RNF17: variants seen among roughly 807,000 people sequenced by gnomAD.
The protein encoded by RNF17 is spermatogenesis associated 23.
In RNF17, 31 loss-of-function variants were observed where a neutral mutation model predicts 200.5. The observed-to-expected ratio is 0.15, with a 90% CI of 0.12 to 0.21. RNF17 has a LOEUF of 0.21. RNF17 is among the 10% of genes least tolerant of loss of function. RNF17 has a pLI of 1.00. For missense variants in RNF17, 1,628 were observed against 1,905.1 expected (o/e 0.85, Z 2.71); for synonymous variants, 606 against 637.8 (o/e 0.95, Z 0.75).
At chr13:24,858,149 C>T (rs1036138478) in intron 25 of RNF17, among the ~76,000 whole-genome samples, 2 of 152,070 alleles carry the variant, frequency 1.3e-5, no homozygotes, top group Admixed American at 1.3e-4. Flanking sequence ...GGTATGGTAG[C>T]TATGAATTTA....
intron 25 of RNF17, among the ~76,000 whole-genome samples, chr13:24,858,707 A>G (rs149048892): frequency 7.9e-5 from 12 of 151,888 alleles, no homozygotes; most frequent in Admixed American, 7.9e-4. Context: ...CCTGTGTCCT[A>G]TTTTACTTAG....
intron 15 of RNF17, among the ~76,000 whole-genome samples, chr13:24,807,444 CTTCTT>C (rs1638824801): frequency 6.6e-6 from 1 of 152,160 alleles, no homozygotes; most frequent in African/African-American, 2.4e-5. Flanking sequence ...GCATAAATGT[CTTCTT>C]TTGAGAAGTG....
chr13:24,829,906 A>ATGAATC (rs969806764), intron 16 of RNF17, among the ~76,000 whole-genome samples: 1 of 152,216 alleles, frequency 6.6e-6, no homozygotes, highest in Non-Finnish European at 1.5e-5. Flanking sequence ...TGTTATATGA[A>ATGAATC]TGAATCTTTG....
chr13:24,870,212 G>A (rs898647495), intron 31 of RNF17, among the ~76,000 whole-genome samples: 3 of 152,082 alleles, frequency 2.0e-5, no homozygotes, highest in African/African-American at 7.2e-5. Flanking sequence ...CTCCAAAAGT[G>A]CTGGGATTAC....
chr13:24,789,155 T>C (rs996714343), intron 7 of RNF17, among the ~76,000 whole-genome samples, 193 bp from the exon 8 acceptor site: 2 of 152,168 alleles, frequency 1.3e-5, no homozygotes, highest in African/African-American at 2.4e-5. Context: ...TTTCTTAGTG[T>C]CTATTGTTAC....
At position 24,850,393 on chromosome 13, in the gene RNF17, T is replaced by C; in HGVS notation, c.3154T>C (p.Leu1052=). The C allele has an allele frequency of 6.2e-7, 1 of 1,613,804 alleles. No homozygotes were observed. The highest frequency in any genetic ancestry group is 8.5e-7 in the Non-Finnish European group (1 of 1,179,864). The change falls in exon 23 of 36, where the codon TTG becomes CTG. Residue 1052 remains leucine, a synonymous_variant. Coordinates refer to ENST00000255324, the MANE Select transcript of RNF17 (RefSeq NM_031277.3). ...WTATACDCLS[L]YLTGAVATII... The stretch of plus-strand genomic sequence containing the variant: ...AGCAACAGCTTGTGACTGTCTTTCA[T>C]TGTACCTGACTGGAGCTGTAGCAAC...
chr13:24,850,590 T>G, intron 23 of RNF17, 147 bp downstream of exon 23: 1 of 548,030 alleles, frequency 1.8e-6, no homozygotes, highest in South Asian at 2.8e-5. Flanking sequence ...ATAAGAGGCA[T>G]ATATCTTTTC....
the RNF17 span, among the ~76,000 whole-genome samples, chr13:24,756,159 C>G: frequency 2.6e-5 from 4 of 152,044 alleles, no homozygotes; most frequent in African/African-American, 9.7e-5. Context: ...TTGGTAAAGT[C>G]ACATGTAAAT....
chr13:24,763,489 T>C (rs1468895696), upstream of RNF17, among the ~76,000 whole-genome samples: 1 of 151,648 alleles, frequency 6.6e-6, no homozygotes, highest in Non-Finnish European at 1.5e-5. Context: ...AGTGCTGGCA[T>C]TACAGGCGTG....
chr13:24,758,047 A>T, the RNF17 span, among the ~76,000 whole-genome samples: 2 of 152,142 alleles, frequency 1.3e-5, no homozygotes, highest in Admixed American at 1.3e-4. Context: ...GCTTCCCCTC[A>T]CTTTCCACCA....
chr13:24,843,776 T>C lies in RNF17; in HGVS notation c.2636T>C (p.Ile879Thr). The change falls in exon 20 of 36, where the codon ATT becomes ACT. Residue 879 changes from isoleucine to threonine, a missense_variant. Ile to Thr is a moderately conservative substitution (Grantham distance 89). Coordinates refer to ENST00000255324, the MANE Select transcript of RNF17 (RefSeq NM_031277.3). ...CTCAAAGATAATTCTCAAAAGCATA[T>C]TGAAGTTTGGGATCCTTCTCCAGAA... is the stretch of plus-strand genomic sequence containing the variant. ...YILKDNSQKH[I>T]EVWDPSPEEI... The C allele has an allele frequency of 6.2e-7, 1 of 1,604,560 alleles. No individual in the cohort carries two copies. Among genetic ancestry groups the C allele is most frequent in the Middle Eastern group, 1.7e-4 (1 of 6,044 alleles).
intron 15 of RNF17, among the ~76,000 whole-genome samples, 190 bp downstream of exon 15, chr13:24,804,619 C>A (rs1445323805): frequency 6.6e-6 from 1 of 152,056 alleles, no homozygotes; most frequent in Non-Finnish European, 1.5e-5. Flanking sequence ...ATTGAAAGAA[C>A]AATGAAGGAT....
intron 1 of RNF17, among the ~76,000 whole-genome samples, chr13:24,765,153 C>T (rs1025034071): frequency 5.3e-5 from 8 of 152,068 alleles, no homozygotes; most frequent in Admixed American, 3.9e-4. Flanking sequence ...GTAGCTGGGA[C>T]TACAGGCGCC....
chr13:24,763,684 T>C (rs188530909), upstream of RNF17, among the ~76,000 whole-genome samples: 58 of 152,262 alleles, frequency 3.8e-4, no homozygotes, highest in Non-Finnish European at 7.2e-4. Context: ...TTGTATATTA[T>C]TAGGCTCAAC....
chr13:24,761,557 T>C (rs1030736235), upstream of RNF17, among the ~76,000 whole-genome samples: 1 of 152,244 alleles, frequency 6.6e-6, no homozygotes, highest in Non-Finnish European at 1.5e-5. Context: ...GGAGCCCTGT[T>C]TATCTCATTT....
At chr13:24,868,032 A>C (rs953614604) in intron 30 of RNF17, among the ~76,000 whole-genome samples, 5 of 152,082 alleles carry the variant, frequency 3.3e-5, no homozygotes, top group African/African-American at 1.2e-4. Flanking sequence ...TGTGTAGATA[A>C]TATGCACATC....
chr13:24,877,867 AT>A (rs1417502582), intron 34 of RNF17, among the ~76,000 whole-genome samples: 1 of 152,228 alleles, frequency 6.6e-6, no homozygotes, highest in Non-Finnish European at 1.5e-5. Flanking sequence ...TAGGCTCAGC[AT>A]GTCACAGTAG....
At chr13:24,795,835 A>T (rs1400258798) in intron 10 of RNF17, among the ~76,000 whole-genome samples, 2 of 152,246 alleles carry the variant, frequency 1.3e-5, no homozygotes, top group Non-Finnish European at 2.9e-5. Context: ...GTAGAGTTAC[A>T]GCATATACGT....
At position 24,809,497 on chromosome 13, in the gene RNF17, T is replaced by C. The variant is rs1886321845; in HGVS notation, c.2091+5068T>C. On this transcript the variant is annotated intron_variant, in intron 15 of 35. Transcript: ENST00000255324. ...GGGATCGGTGGTGATATCCCCTTTA[T>C]CATTTTTATTGCGTCTATTTGATTC... Among the ~76,000 whole-genome samples the C allele has an allele frequency of 2.0e-5, 3 of 152,214 alleles. No individual in the cohort carries two copies. In the South Asian group the frequency reaches 6.2e-4, roughly 32 times the overall value.
Sources: gnomAD v4.1 joint callset for allele counts (sites outside exome capture counted in the v4.1 genomes callset) on GRCh38, gnomAD v4.1.1 for gene constraint, MANE v1.5 for transcripts, NCBI Gene and HGNC (gene_info 2026-07-23, HGNC 2026-07-21) for gene names.